WNK1: variants seen among roughly 807,000 people sequenced by gnomAD.
The protein encoded by WNK1 is WNK lysine deficient protein kinase 1.
In WNK1, 38 loss-of-function variants were observed where a neutral mutation model predicts 222.8. That is an observed-to-expected ratio of 0.17 (90% CI 0.13 to 0.22). WNK1 has a LOEUF of 0.22. WNK1 is among the 10% of genes least tolerant of loss of function. The pLI is 1.00. For missense variants in WNK1, 2,348 were observed against 2,918.4 expected, an observed-to-expected ratio of 0.80 and a Z score of 4.50; for synonymous variants, 1,090 against 1,092.9, an observed-to-expected ratio of 1.00 and a Z score of 0.05.
Position 884,560 on chromosome 12 carries a change from T to G in WNK1, c.3845-89T>G. ...CATATTTTTTATCAAAAACAGATAT[T>G]TATAGGAGCTGACTTAGGCTAGCAG... On this transcript the variant is annotated intron_variant, in intron 18 of 27. Coordinates refer to ENST00000315939, the MANE Select transcript of WNK1 (RefSeq NM_018979.4). The surrounding 1 kb of genome is among the most constrained non-coding windows in gnomAD (Gnocchi z 5.6). 7.5e-7 allele frequency: 1 copy of G among 1,334,072 alleles called. No homozygotes were observed. The highest frequency in any genetic ancestry group is 1.2e-5 in the South Asian group (1 of 83,222). The allele number at this position is 1,334,072 out of a possible 1,614,324, so 82.6% of individuals were successfully genotyped here.
rs192446425 is a variant in WNK1 at position 869,141 on chromosome 12, C to G, written c.2140-2124C>G. 49 of 1,607,460 alleles carry G rather than the reference C, an allele frequency of 3.0e-5. No homozygotes were observed. The East Asian group carries it at 5.1e-4, about 17-fold the overall frequency. On this transcript the variant is annotated intron_variant, in intron 8 of 27. Transcript: ENST00000315939. Reference sequence around the variant, plus strand: ...ACTTCCACAATTATTTTAAACTACCCTACTTTGCACCATAACATTTAAATT... The same window carrying G: ...ACTTCCACAATTATTTTAAACTACCGTACTTTGCACCATAACATTTAAATT...
intron 10 of WNK1, among the ~76,000 whole-genome samples, chr12:878,999 T>A (rs1330059940): frequency 6.6e-6 from 1 of 152,146 alleles, no homozygotes; most frequent in African/African-American, 2.4e-5. Flanking sequence ...ATAAAGTAGA[T>A]CCCAATTTCT....
chr12:908,861 G>GCCCCCC lies in WNK1; in HGVS notation c.*69_*70insCCCCCC. 2.0e-6 allele frequency: 1 copy of GCCCCCC among 491,846 alleles called. No homozygotes were observed. The highest frequency in any genetic ancestry group is 4.1e-6 in the Non-Finnish European group (1 of 241,770). The allele number at this position is 491,846 out of a possible 1,614,324, so 30.5% of individuals were successfully genotyped here. A position where few individuals can be genotyped will look rare whatever the true frequency, so the allele number is the denominator to read the frequency against. On this transcript the variant is annotated 3_prime_UTR_variant, in exon 28 of 28. Coordinates refer to ENST00000315939, the MANE Select transcript of WNK1 (RefSeq NM_018979.4). ...ATGCTGAGGGGGTGGGTGGGGGTGG[G>GCCCCCC]AAGTAGCCTATATACTAACTACTAG... is the stretch of plus-strand genomic sequence containing the variant.
intron 1 of WNK1, among the ~76,000 whole-genome samples, chr12:757,248 G>C (rs1940194363): frequency 6.9e-6 from 1 of 145,290 alleles, no homozygotes; most frequent in Non-Finnish European, 1.5e-5. Flanking sequence ...GCTATTTTCT[G>C]TCATGCTAAT....
chr12:822,955 A>G (rs1948027140), intron 2 of WNK1, among the ~76,000 whole-genome samples: 1 of 152,144 alleles, frequency 6.6e-6, no homozygotes, highest in African/African-American at 2.4e-5. Flanking sequence ...ACTACTGTCA[A>G]ACTCTTCCAG....
At chr12:839,816 A>C (rs1473200746) in intron 4 of WNK1, among the ~76,000 whole-genome samples, 1 of 151,522 alleles carries the variant, frequency 6.6e-6, no homozygotes, top group African/African-American at 2.4e-5. Flanking sequence ...TCCCAGGTTC[A>C]AGTGATTTTC....
At chr12:800,480 A>G (rs774667623) in intron 1 of WNK1, among the ~76,000 whole-genome samples, 1 of 152,182 alleles carries the variant, frequency 6.6e-6, no homozygotes. Context: ...GGTAAAATAT[A>G]TAACTTAAAA....
Position 868,403 on chromosome 12 carries a change from A to C in WNK1, c.2140-2862A>C, listed in dbSNP as rs757242894. 2 of 1,613,944 alleles carry C rather than the reference A, an allele frequency of 1.2e-6. No homozygotes were observed. Among genetic ancestry groups the C allele is most frequent in the Admixed American group, 3.3e-5 (2 of 60,010 alleles). On this transcript the variant is annotated intron_variant, in intron 8 of 27. Transcript: ENST00000315939. ...ACAGAAGCCAGTACAAGGGGGCCCT[A>C]CTTCAAGTTCTGTCTTTGAATTTCC...
rs766562347 is a variant in WNK1, at chr12:880,706, T to A, written c.2833-15T>A. 2 of 1,613,166 alleles carry A rather than the reference T, an allele frequency of 1.2e-6. No homozygotes were observed. Among genetic ancestry groups the A allele is most frequent in the South Asian group, 2.2e-5 (2 of 91,026 alleles). The stretch of plus-strand genomic sequence containing the variant: ...CCCAACCTGCTCTAACTCACCTTCC[T>A]CATTTCTGTCACAGGGCTTCCCACC... On this transcript the variant is annotated splice_polypyrimidine_tract_variant and intron_variant, in intron 11 of 27. Transcript: ENST00000315939.
At chr12:903,098 T>G (rs1248344250) in intron 26 of WNK1, among the ~76,000 whole-genome samples, 2 of 152,222 alleles carry the variant, frequency 1.3e-5, no homozygotes, top group Admixed American at 6.5e-5. Context: ...ATGACACGTT[T>G]AACTGCCATT....
chr12:903,426 C>T (rs1368647116), intron 26 of WNK1, among the ~76,000 whole-genome samples: 1 of 152,000 alleles, frequency 6.6e-6, no homozygotes, highest in Non-Finnish European at 1.5e-5. Context: ...TGCATGTCCA[C>T]CTAGAAAGTT....
intron 1 of WNK1, among the ~76,000 whole-genome samples, chr12:778,450 A>C (rs1196039067): frequency 6.6e-6 from 1 of 151,816 alleles, no homozygotes; most frequent in Non-Finnish European, 1.5e-5. Context: ...CTCCTGCCTC[A>C]GCCTTCCGAG....
intron 1 of WNK1, among the ~76,000 whole-genome samples, chr12:760,109 GC>G (rs911173660): frequency 2.0e-4 from 30 of 147,864 alleles, no homozygotes; most frequent in African/African-American, 6.8e-4. Context: ...CCTGGCCTTT[GC>G]CTAACATTTT....
intron 1 of WNK1, among the ~76,000 whole-genome samples, chr12:755,467 C>T (rs1939860397): frequency 6.6e-6 from 1 of 152,158 alleles, no homozygotes; most frequent in Non-Finnish European, 1.5e-5. Context: ...GTGAAATTAA[C>T]ACAGCATGTG....
At chr12:809,911 T>C (rs1233114225) in intron 1 of WNK1, among the ~76,000 whole-genome samples, 1 of 152,178 alleles carries the variant, frequency 6.6e-6, no homozygotes, top group Non-Finnish European at 1.5e-5. Flanking sequence ...AAGACAAGTT[T>C]TTATTTCTTT....
intron 5 of WNK1, among the ~76,000 whole-genome samples, chr12:858,263 TA>T (rs1299209281): frequency 2.0e-5 from 3 of 152,008 alleles, no homozygotes; most frequent in Non-Finnish European, 4.4e-5. Flanking sequence ...AGTCTCAGCT[TA>T]CTGCAACCTC....
intron 1 of WNK1, among the ~76,000 whole-genome samples, chr12:803,458 T>C (rs1360165865): frequency 6.6e-6 from 1 of 152,146 alleles, no homozygotes; most frequent in East Asian, 1.9e-4. Context: ...GAGAGAAGAA[T>C]AGTGGTATTA....
rs554721737 is a variant in WNK1, at chr12:847,627, T to C, written c.1312-9534T>C. Among the ~76,000 whole-genome samples the C allele has an allele frequency of 1.9e-4, 29 of 151,994 alleles. 1 individual carries two copies. Among genetic ancestry groups the C allele is most frequent in the Admixed American group, 1.8e-3 (27 of 15,258 alleles). On this transcript the variant is annotated intron_variant, in intron 4 of 27. Transcript: ENST00000315939. ...TAACATTAAACTAGATGCTGGAAAA[T>C]CTGGATTCTAGTTTTTGTTTTACCA... is the stretch of plus-strand genomic sequence containing the variant.
chr12:832,263 G>T (rs1310081332), intron 4 of WNK1, among the ~76,000 whole-genome samples: 1 of 152,082 alleles, frequency 6.6e-6, no homozygotes, highest in Non-Finnish European at 1.5e-5. Flanking sequence ...TTTTAGTAGA[G>T]ATGGGGTTTC....
Sources: allele counts gnomAD v4.1 joint callset (sites outside exome capture counted in the v4.1 genomes callset), GRCh38; gene constraint gnomAD v4.1.1; non-coding constraint Gnocchi (gnomAD v3.1); transcripts MANE v1.5; gene names NCBI Gene and HGNC (gene_info 2026-07-23, HGNC 2026-07-21).